GRID2: variants seen among roughly 807,000 people sequenced by gnomAD.
GRID2 encodes glutamate ionotropic receptor delta type subunit 2.
In GRID2, 33 loss-of-function variants were observed where a neutral mutation model predicts 114.8. That is an observed-to-expected ratio of 0.29 (90% CI 0.22 to 0.38). The LOEUF (loss-of-function observed/expected upper bound fraction) is 0.38, where lower values mean the gene tolerates loss of function less well. Ranked by LOEUF, GRID2 falls within the 10% of genes least tolerant of loss-of-function variation. The pLI, the probability that GRID2 is intolerant of heterozygous loss-of-function variation, is 1.00. For synonymous variants in GRID2, 505 were observed against 449.9 expected, an observed-to-expected ratio of 1.12 and a Z score of -1.55; for missense variants, 1,184 against 1,257.7, an observed-to-expected ratio of 0.94 and a Z score of 0.89.
chr4:92,986,694 T>C (rs1754528121), intron 2 of GRID2, among the ~76,000 whole-genome samples: 1 of 152,118 alleles, frequency 6.6e-6, no homozygotes, highest in Non-Finnish European at 1.5e-5. Context: ...TTCCTGTAAG[T>C]CTAAAATTAT....
chr4:92,487,876 T>A (rs898100273), intron 1 of GRID2, among the ~76,000 whole-genome samples: 25 of 152,216 alleles, frequency 1.6e-4, no homozygotes, highest in African/African-American at 5.3e-4. Flanking sequence ...CTTGATCATT[T>A]TCTGTCCTAT....
chr4:92,797,639 GA>G (rs923682132), intron 2 of GRID2, among the ~76,000 whole-genome samples: 16 of 150,512 alleles, frequency 1.1e-4, no homozygotes, highest in East Asian at 3.9e-4. Flanking sequence ...AGTGAATGAT[GA>G]AAAAAAGTAT....
intron 13 of GRID2, among the ~76,000 whole-genome samples, chr4:93,587,147 A>C (rs1283783321): frequency 1.3e-5 from 2 of 152,006 alleles, no homozygotes; most frequent in African/African-American, 4.8e-5. Flanking sequence ...TGAAACTTCT[A>C]CCCAGCATTC....
chr4:92,982,012 A>G (rs1754243017), intron 2 of GRID2, among the ~76,000 whole-genome samples: 1 of 146,650 alleles, frequency 6.8e-6, no homozygotes, highest in African/African-American at 2.6e-5. Flanking sequence ...TTCACAGTCT[A>G]AAGTACTGGT....
At chr4:92,536,227 CAT>C (rs1008090501) in intron 1 of GRID2, among the ~76,000 whole-genome samples, 1 of 152,150 alleles carries the variant, frequency 6.6e-6, no homozygotes, top group African/African-American at 2.4e-5. Flanking sequence ...CTGATTGGTG[CAT>C]TTACAATCCT....
At chr4:92,540,414 A>G (rs901599543) in intron 1 of GRID2, among the ~76,000 whole-genome samples, 1 of 152,226 alleles carries the variant, frequency 6.6e-6, no homozygotes, top group Non-Finnish European at 1.5e-5. Flanking sequence ...TAGGGCTAAT[A>G]TCCAGAATCT....
rs1560663029 is a variant in GRID2, at chr4:92,485,342, ATATATAGTGTGTGTGTGTGT to A, written c.89-104788_89-104769del. Among the ~76,000 whole-genome samples the A allele has an allele frequency of 4.0e-4, 28 of 69,690 alleles. 1 individual carries two copies. In the South Asian group the frequency reaches 0.011, roughly 27 times the overall value. The allele number at this position is 69,690 out of a possible 152,430, so 45.7% of individuals were successfully genotyped here. ...TATATATATATATATATATATATATATATATAGTGTGTGTGTGTGTGTGTGTGAGTGTATGTGTGTGTATA... is the reference window on the plus strand; with the variant it reads ...TATATATATATATATATATATATATAGTGTGTGAGTGTATGTGTGTGTATA... On this transcript the variant is annotated intron_variant, in intron 1 of 15. Transcript: ENST00000282020.
intron 8 of GRID2, among the ~76,000 whole-genome samples, chr4:93,303,567 T>G (rs1366816863): frequency 2.0e-5 from 3 of 152,204 alleles, no homozygotes; most frequent in Non-Finnish European, 2.9e-5. Context: ...TCACATCACC[T>G]TGTGGTGATC....
intron 2 of GRID2, among the ~76,000 whole-genome samples, chr4:92,873,563 A>AT (rs1297494055): frequency 6.6e-6 from 1 of 152,192 alleles, no homozygotes. Context: ...AAAAGATAAA[A>AT]ATTTAGATAC....
At chr4:93,072,467 G>A (rs937151550) in intron 2 of GRID2, among the ~76,000 whole-genome samples, 1 of 152,098 alleles carries the variant, frequency 6.6e-6, no homozygotes, top group Non-Finnish European at 1.5e-5. Context: ...TCCAGCAAGT[G>A]CTCTTGAGAA....
intron 2 of GRID2, among the ~76,000 whole-genome samples, chr4:92,760,231 C>G (rs1737928686): frequency 8.8e-6 from 1 of 114,258 alleles, no homozygotes; most frequent in Admixed American, 1.1e-4. Flanking sequence ...TAGCGAGACT[C>G]TGTCTCAAAA....
intron 2 of GRID2, among the ~76,000 whole-genome samples, chr4:92,713,488 T>TATATATATA (rs1475997100): frequency 8.3e-6 from 1 of 120,448 alleles, no homozygotes; most frequent in Non-Finnish European, 1.8e-5. Flanking sequence ...TATATATATA[T>TATATATATA]ATATATATAT....
intron 1 of GRID2, among the ~76,000 whole-genome samples, chr4:92,355,708 C>T (rs756645731): frequency 3.8e-4 from 57 of 151,468 alleles, no homozygotes; most frequent in Non-Finnish European, 2.8e-4. Context: ...TAATTATTCC[C>T]CAAATATAGA....
chr4:93,248,913 T>C (rs1173268203), intron 8 of GRID2, among the ~76,000 whole-genome samples: 2 of 152,202 alleles, frequency 1.3e-5, no homozygotes, highest in Non-Finnish European at 2.9e-5. Flanking sequence ...TATTTAGACA[T>C]CACTAAGACA....
intron 8 of GRID2, among the ~76,000 whole-genome samples, chr4:93,240,442 A>ATT (rs898562745): frequency 1.8e-4 from 27 of 147,298 alleles, no homozygotes; most frequent in African/African-American, 6.7e-4. Context: ...ATTGCTCATT[A>ATT]TTTTTTTTTT....
intron 1 of GRID2, among the ~76,000 whole-genome samples, chr4:92,472,995 AT>A (rs1361445909): frequency 1.3e-5 from 2 of 151,646 alleles, no homozygotes; most frequent in Admixed American, 1.3e-4. Flanking sequence ...ATTTACAAAG[AT>A]TTTTTCTATG....
chr4:92,981,123 T>C (rs1368151030), intron 2 of GRID2, among the ~76,000 whole-genome samples: 1 of 152,130 alleles, frequency 6.6e-6, no homozygotes, highest in African/African-American at 2.4e-5. Context: ...AAACTCAATA[T>C]TTCTGTATCT....
intron 11 of GRID2, among the ~76,000 whole-genome samples, chr4:93,459,057 GTAATCCCA>G (rs1314920831): frequency 6.6e-6 from 1 of 151,818 alleles, no homozygotes; most frequent in Non-Finnish European, 1.5e-5. Context: ...GTGGGCGCCT[GTAATCCCA>G]GCTACTCAGG....
intron 2 of GRID2, among the ~76,000 whole-genome samples, chr4:92,958,276 A>C (rs1485571714): frequency 2.0e-5 from 3 of 152,072 alleles, no homozygotes; most frequent in Admixed American, 6.6e-5. Context: ...GTTGGCCATC[A>C]GTTCCTTTGT....
Sources: allele counts gnomAD v4.1 joint callset (sites outside exome capture counted in the v4.1 genomes callset), GRCh38; gene constraint gnomAD v4.1.1; transcripts MANE v1.5; gene names NCBI Gene and HGNC (gene_info 2026-07-23, HGNC 2026-07-21).